DNAJC16: variants seen among roughly 807,000 people sequenced by gnomAD.
DNAJC16 encodes the protein DnaJ heat shock protein family (Hsp40) member C16, also known as dnaJ homolog subfamily C member 16.
A neutral mutation model predicts 92.7 loss-of-function variants in DNAJC16; 76 were observed. That is an observed-to-expected ratio of 0.82 (90% confidence interval 0.68 to 0.99). The LOEUF (loss-of-function observed/expected upper bound fraction) is 0.99, where lower values mean the gene tolerates loss of function less well. DNAJC16 is among the 50% of genes least tolerant of loss of function. DNAJC16 has a pLI of 0.00. For missense variants in DNAJC16, 869 were observed against 942.4 expected, an observed-to-expected ratio of 0.92 and a Z score of 1.02; for synonymous variants, 328 against 358.7, an observed-to-expected ratio of 0.91 and a Z score of 0.97.
chr1:15,561,640 C>T (rs1295291121), intron 8 of DNAJC16, among the ~76,000 whole-genome samples: 3 of 152,134 alleles, frequency 2.0e-5, no homozygotes, highest in Admixed American at 2.0e-4. Flanking sequence ...GCCGAGATCA[C>T]ACCACTACAC....
intron 7 of DNAJC16, among the ~76,000 whole-genome samples, chr1:15,550,818 A>AC (rs1317466676): frequency 6.6e-6 from 1 of 152,126 alleles, no homozygotes; most frequent in Non-Finnish European, 1.5e-5. Flanking sequence ...TGTGTGCTTC[A>AC]CCCCCAATCA....
chr1:15,536,856 C>T (rs1710802875), intron 4 of DNAJC16, 42 bp downstream of exon 4: 5 of 1,189,382 alleles, frequency 4.2e-6, no homozygotes, highest in African/African-American at 1.6e-5. Context: ...ATATAGATGA[C>T]TTTTTTTTTT....
intron 13 of DNAJC16, 84 bp downstream of exon 13, chr1:15,566,264 G>T: frequency 1.8e-6 from 2 of 1,141,214 alleles, no homozygotes; most frequent in South Asian, 2.7e-5. Flanking sequence ...TTGGAACATA[G>T]AGTGTAGAGA....
At position 15,568,673 on chromosome 1, in the gene DNAJC16, A is replaced by G; in HGVS notation, c.*496A>G. ...GCAGCTTCTAGCCCCGCATCTGGAA[A>G]AAGGCCCCTTTCCAAGCAATCTCAC... On this transcript the variant is annotated 3_prime_UTR_variant, in exon 15 of 15. Coordinates refer to ENST00000375847, the MANE Select transcript of DNAJC16 (RefSeq NM_015291.4). 2 of 399,226 alleles carry G rather than the reference A, an allele frequency of 5.0e-6. No individual in the cohort carries two copies. Among genetic ancestry groups the G allele is most frequent in the Non-Finnish European group, 8.8e-6 (2 of 226,542 alleles). 24.7% of individuals were successfully genotyped at this position (399,226 alleles called of 1,614,324 possible).
Position 15,536,565 on chromosome 1 carries a change from G to C in DNAJC16, c.325G>C (p.Glu109Gln). ...CTACCAGAAGCAGCAACAGCAGCGA[G>C]AGTATCGCTTCCGCCATTTCCATGA... The part of the protein sequence containing the change: ...QGYQKQQQQR[E>Q]YRFRHFHENF... Residue 109 changes from glutamate (E) to glutamine (Q), a missense_variant, in exon 4 of 15, where the codon GAG becomes CAG. Glu to Gln is a conservative substitution (Grantham distance 29). Transcript: ENST00000375847. 6.2e-7 allele frequency: 1 copy of C among 1,614,220 alleles called. No homozygotes were observed. The highest frequency in any genetic ancestry group is 8.5e-7 in the Non-Finnish European group (1 of 1,180,032).
At position 15,567,177 on chromosome 1, in the gene DNAJC16, G is replaced by A; in HGVS notation, c.1857G>A (p.Arg619=). ...VTYTSNLVRL[R]PGHMNVVLIL... ...ACACCAGTAACTTGGTACGTCTGAG[G>A]CCAGGCCACATGAATGTGGTCCTCA... is the stretch of plus-strand genomic sequence containing the variant. The change falls in exon 14 of 15, where the codon AGG becomes AGA. Residue 619 remains arginine (R), a synonymous_variant. Transcript: ENST00000375847. The A allele has an allele frequency of 1.2e-6, 2 of 1,614,112 alleles. No homozygotes were observed. The highest frequency in any genetic ancestry group is 1.7e-6 in the Non-Finnish European group (2 of 1,179,982).
chr1:15,568,582 C>G lies in DNAJC16; in HGVS notation c.*405C>G. The G allele has an allele frequency of 2.4e-6, 1 of 408,580 alleles. No individual in the cohort carries two copies. Among genetic ancestry groups the G allele is most frequent in the Non-Finnish European group, 4.3e-6 (1 of 231,748 alleles). 25.3% of individuals were successfully genotyped at this position (408,580 alleles called of 1,614,324 possible). A position where few individuals can be genotyped will look rare whatever the true frequency, so the allele number is the denominator to read the frequency against. On this transcript the variant is annotated 3_prime_UTR_variant, in exon 15 of 15. Coordinates refer to ENST00000375847, the MANE Select transcript of DNAJC16 (RefSeq NM_015291.4). ...GTCGTGCAGGCCAGGTCATTGGCCC[C>G]TTCCCCAATCCCGGCCCTGCTGTGC... is the stretch of plus-strand genomic sequence containing the variant.
Position 15,568,226 on chromosome 1 carries a change from CT to C in DNAJC16, c.*50del. 6.7e-7 allele frequency: 1 copy of C among 1,487,348 alleles called. No individual in the cohort carries two copies. The highest frequency in any genetic ancestry group is 1.4e-5 in the African/African-American group (1 of 71,404). 92.1% of individuals were successfully genotyped at this position (1,487,348 alleles called of 1,614,324 possible). A position where few individuals can be genotyped will look rare whatever the true frequency, so the allele number is the denominator to read the frequency against. ...ACTCTTCAGACTTTTTAACATGCCC[CT>C]GTGAACAGGTATTTTCAGGACTCAA... On this transcript the variant is annotated 3_prime_UTR_variant, in exon 15 of 15. Transcript: ENST00000375847.
At chr1:15,536,072 C>CTTTTTTTTTTTTTTTTTTTTT (rs758451008) in intron 3 of DNAJC16, among the ~76,000 whole-genome samples, 1 of 84,612 alleles carries the variant, frequency 1.2e-5, no homozygotes, top group African/African-American at 5.1e-5. Flanking sequence ...CTTTTCTTTT[C>CTTTTTTTTTTTTTTTTTTTTT]TTTTTTTTTT....
intron 11 of DNAJC16, 147 bp from the exon 12 acceptor site, chr1:15,565,772 C>T (rs924591871): frequency 2.7e-6 from 2 of 747,958 alleles, no homozygotes; most frequent in African/African-American, 1.8e-5. Flanking sequence ...CCACCACCTC[C>T]ACCCGCCAAG....
intron 9 of DNAJC16, among the ~76,000 whole-genome samples, chr1:15,563,155 T>C (rs1437892980): frequency 6.6e-6 from 1 of 151,814 alleles, no homozygotes; most frequent in African/African-American, 2.4e-5. Context: ...CCATTAATAT[T>C]AAGTCAAGGT....
intron 7 of DNAJC16, among the ~76,000 whole-genome samples, chr1:15,554,228 A>G (rs553571904): frequency 6.6e-6 from 1 of 152,064 alleles, no homozygotes; most frequent in African/African-American, 2.4e-5. Context: ...AGAAAATTGC[A>G]TGATAGGAAT....
chr1:15,530,501 T>C (rs1039914202), intron 2 of DNAJC16, among the ~76,000 whole-genome samples: 1 of 152,164 alleles, frequency 6.6e-6, no homozygotes, highest in Admixed American at 6.5e-5. Flanking sequence ...TTGGATTATA[T>C]AGATGGAGGG....
chr1:15,568,165 T>C lies in DNAJC16; in HGVS notation c.2337T>C (p.Pro779=), dbSNP rs1638864360. ...SLQRFYIPSW[P]ELD ...AGAGGTTTTATATCCCATCATGGCC[T>C]GAACTAGACTGAGAGGATTTTCCAA... The change falls in exon 15 of 15, where the codon CCT becomes CCC. Residue 779 remains proline (P), a synonymous_variant. Coordinates refer to ENST00000375847, the MANE Select transcript of DNAJC16 (RefSeq NM_015291.4). 1.2e-6 allele frequency: 2 copies of C among 1,603,596 alleles called. No homozygotes were observed. Among genetic ancestry groups the C allele is most frequent in the Non-Finnish European group, 1.7e-6 (2 of 1,174,482 alleles).
chr1:15,552,474 G>GA (rs1638468248), intron 7 of DNAJC16, among the ~76,000 whole-genome samples: 1 of 151,840 alleles, frequency 6.6e-6, no homozygotes, highest in Admixed American at 6.6e-5. Flanking sequence ...GGGCGACAGA[G>GA]TGGGACTTCA....
intron 4 of DNAJC16, among the ~76,000 whole-genome samples, chr1:15,539,604 G>A (rs1486252495): frequency 6.6e-6 from 1 of 151,698 alleles, no homozygotes; most frequent in Non-Finnish European, 1.5e-5. Flanking sequence ...GGGTGTAATA[G>A]CATAATCATG....
At chr1:15,544,641 G>C (rs961783936) in intron 5 of DNAJC16, 58 bp downstream of exon 5, 3 of 1,547,770 alleles carry the variant, frequency 1.9e-6, no homozygotes, top group Non-Finnish European at 2.6e-6. Context: ...ACCTAGGACT[G>C]TTAATTGCCC....
chr1:15,561,755 C>T (rs976205358), intron 8 of DNAJC16, among the ~76,000 whole-genome samples: 4 of 152,066 alleles, frequency 2.6e-5, no homozygotes, highest in Middle Eastern at 3.4e-3. Context: ...CTGGCAGGCA[C>T]GATGGCTCAT....
At position 15,566,242 on chromosome 1, in the gene DNAJC16, G is replaced by C. The variant is rs531414995; in HGVS notation, c.1778+62G>C. 9 of 1,328,016 alleles carry C rather than the reference G, an allele frequency of 6.8e-6. No individual in the cohort carries two copies. In the African/African-American group the frequency reaches 1.0e-4, roughly 15 times the overall value. The allele number at this position is 1,328,016 out of a possible 1,614,324, so 82.3% of individuals were successfully genotyped here. ...ACCTGCCCCCCAGATCCTGTCATCT[G>C]ATAACGCAGCATTGGAACATAGAGT... On this transcript the variant is annotated intron_variant, in intron 13 of 14. Coordinates refer to ENST00000375847, the MANE Select transcript of DNAJC16 (RefSeq NM_015291.4).
Sources: gnomAD v4.1 joint callset for allele counts (sites outside exome capture counted in the v4.1 genomes callset) on GRCh38, gnomAD v4.1.1 for gene constraint, MANE v1.5 for transcripts, NCBI Gene and HGNC (gene_info 2026-07-23, HGNC 2026-07-21) for gene names.